Variants in PKHD1 observed in about 807,000 individuals in gnomAD.
PKHD1 encodes the protein fibrocystin.
In PKHD1, 291 loss-of-function variants were observed where a neutral mutation model predicts 412.0. That is an observed-to-expected ratio of 0.71 (90% confidence interval 0.64 to 0.78). PKHD1 has a LOEUF of 0.78. Ranked by LOEUF, PKHD1 falls within the 30% of genes least tolerant of loss-of-function variation. The pLI is 0.00. For synonymous variants in PKHD1, 1,777 were observed against 1,821.5 expected (o/e 0.98, Z 0.62); for missense variants, 4,825 against 4,950.7 (o/e 0.97, Z 0.76).
chr6:51,747,157 C>T (rs149688179), intron 58 of PKHD1, among the ~76,000 whole-genome samples: 5 of 152,178 alleles, frequency 3.3e-5, no homozygotes, highest in Admixed American at 6.5e-5. Context: ...AATCAAAATC[C>T]ATTCATTTTA....
intron 48 of PKHD1, among the ~76,000 whole-genome samples, chr6:51,859,368 T>C (rs1455142968): frequency 1.3e-5 from 2 of 151,596 alleles, no homozygotes; most frequent in African/African-American, 4.9e-5. Flanking sequence ...GTACTAAAAA[T>C]ACAAAAAATT....
intron 53 of PKHD1, among the ~76,000 whole-genome samples, chr6:51,789,324 T>C (rs1012935098): frequency 6.6e-6 from 1 of 152,244 alleles, no homozygotes; most frequent in African/African-American, 2.4e-5. Flanking sequence ...AATTATTGAA[T>C]GTTCATTGCA....
chr6:51,827,886 G>A (rs6924098), intron 52 of PKHD1, among the ~76,000 whole-genome samples: 66,974 of 151,404 alleles, frequency 0.44, 15,844 homozygotes, highest in Middle Eastern at 0.61. Context: ...GCTACCAGAT[G>A]CAAAGCAAAT....
At chr6:51,981,458 G>A (rs1354798765) in intron 35 of PKHD1, among the ~76,000 whole-genome samples, 1 of 152,072 alleles carries the variant, frequency 6.6e-6, no homozygotes, top group East Asian at 1.9e-4. Context: ...TGATTCTCCT[G>A]CCTCAGCCTG....
At chr6:52,023,993 A>T (rs941760705) in intron 32 of PKHD1, among the ~76,000 whole-genome samples, 3 of 152,216 alleles carry the variant, frequency 2.0e-5, no homozygotes, top group Admixed American at 1.3e-4. Flanking sequence ...CCAAATTTGA[A>T]CTATCTCAAG....
At chr6:51,836,550 A>T (rs183728009) in intron 50 of PKHD1, 81 bp from the exon 51 acceptor site, 8 of 1,013,414 alleles carry the variant, frequency 7.9e-6, no homozygotes, top group Non-Finnish European at 1.3e-5. Flanking sequence ...GAAAAGAAGA[A>T]TTTATGCTAA....
Position 51,652,704 on chromosome 6 carries a change from A to G in PKHD1, c.11175-3484T>C, listed in dbSNP as rs1479996918. On this transcript the variant is annotated intron_variant, in intron 61 of 66. Coordinates refer to ENST00000371117, the MANE Select transcript of PKHD1 (RefSeq NM_138694.4). The stretch of plus-strand genomic sequence containing the variant: ...CGCCATTCTCCTGCCTCAGCCTCCC[A>G]AGTAGCTGGGACTACAGGCGCCCGC... Among the ~76,000 whole-genome samples the G allele has an allele frequency of 1.2e-3, 18 of 14,664 alleles. 8 individuals carry two copies. The highest frequency in any genetic ancestry group is 0.25 in the East Asian group (2 of 8). The allele number at this position is 14,664 out of a possible 152,430, so 9.6% of individuals were successfully genotyped here. A position where few individuals can be genotyped will look rare whatever the true frequency, so the allele number is the denominator to read the frequency against.
intron 53 of PKHD1, among the ~76,000 whole-genome samples, chr6:51,790,684 C>A (rs577794342): frequency 1.3e-5 from 2 of 152,306 alleles, no homozygotes; most frequent in East Asian, 3.9e-4. Flanking sequence ...CTTTGAGAAG[C>A]TGTGGCTACC....
At chr6:52,041,766 T>C (rs1395271842) in intron 27 of PKHD1, among the ~76,000 whole-genome samples, 2 of 152,166 alleles carry the variant, frequency 1.3e-5, no homozygotes, top group Non-Finnish European at 2.9e-5. Context: ...GGACCAAGTT[T>C]TAGCACTAAG....
rs151309835 is a variant in PKHD1 at position 51,694,848 on chromosome 6, A to G, written c.10157-34879T>C. ...TCACATCACTTCTGACCCACAGAAGACAACACAGCTGTACTGCCACATTGT... is the reference window on the plus strand; with the variant it reads ...TCACATCACTTCTGACCCACAGAAGGCAACACAGCTGTACTGCCACATTGT... On this transcript the variant is annotated intron_variant, in intron 60 of 66. Transcript: ENST00000371117. 4.0e-3 allele frequency among the ~76,000 whole-genome samples: 605 copies of G among 152,264 alleles called. 3 individuals are homozygous for G. Among genetic ancestry groups the G allele is most frequent in the African/African-American group, 0.014 (583 of 41,560 alleles).
chr6:52,017,211 T>C (rs1800669338), intron 34 of PKHD1, among the ~76,000 whole-genome samples, 199 bp downstream of exon 34: 1 of 152,232 alleles, frequency 6.6e-6, no homozygotes, highest in Non-Finnish European at 1.5e-5. Context: ...AGATGTTCTC[T>C]TAAACAGTTG....
At chr6:51,721,053 C>T in intron 60 of PKHD1, 1 of 983,490 alleles carries the variant, frequency 1.0e-6, no homozygotes, top group Non-Finnish European at 1.2e-6. Flanking sequence ...CAATAAGGCT[C>T]TGGGGGAACC....
intron 40 of PKHD1, among the ~76,000 whole-genome samples, chr6:51,908,568 GT>G (rs766217149): frequency 6.6e-6 from 1 of 152,138 alleles, no homozygotes; most frequent in Non-Finnish European, 1.5e-5. Context: ...TTGGTAATGA[GT>G]TTTTGCCCTG....
intron 11 of PKHD1, among the ~76,000 whole-genome samples, chr6:52,068,696 C>T (rs1349252375): frequency 6.6e-6 from 1 of 152,176 alleles, no homozygotes; most frequent in East Asian, 1.9e-4. Flanking sequence ...ATCGTTATCA[C>T]CATCACCTTG....
intron 43 of PKHD1, among the ~76,000 whole-genome samples, chr6:51,897,795 CT>C (rs1184965732): frequency 7.0e-6 from 1 of 142,766 alleles, no homozygotes; most frequent in Non-Finnish European, 1.5e-5. Flanking sequence ...CACACATAGG[CT>C]CAAAATAAAA....
At chr6:51,899,806 A>G (rs1031868720) in intron 43 of PKHD1, among the ~76,000 whole-genome samples, 2 of 152,234 alleles carry the variant, frequency 1.3e-5, no homozygotes, top group African/African-American at 4.8e-5. Context: ...CCTGATAAGC[A>G]ACTTCAGCAA....
At chr6:51,712,997 A>C (rs1357558082) in intron 60 of PKHD1, among the ~76,000 whole-genome samples, 1 of 152,202 alleles carries the variant, frequency 6.6e-6, no homozygotes, top group African/African-American at 2.4e-5. Flanking sequence ...ATGTATCTCC[A>C]GCTGAGAGGT....
rs367792594 is a variant in PKHD1, at chr6:51,960,039, G to C, written c.5752-13C>G. ...AAGAAAAGTTGCCCTGGAAAACAGAGAGCTGGGTTGGTGGGTTGGTTGGTT... is the reference window on the plus strand; with the variant it reads ...AAGAAAAGTTGCCCTGGAAAACAGACAGCTGGGTTGGTGGGTTGGTTGGTT... On this transcript the variant is annotated splice_polypyrimidine_tract_variant and intron_variant, in intron 35 of 66. Transcript: ENST00000371117. 40 of 1,613,052 alleles carry C rather than the reference G, an allele frequency of 2.5e-5. No individual in the cohort carries two copies. The highest frequency in any genetic ancestry group is 3.2e-5 in the Non-Finnish European group (38 of 1,179,328).
chr6:52,019,102 A>G (rs1444146834), intron 33 of PKHD1, among the ~76,000 whole-genome samples: 1 of 152,212 alleles, frequency 6.6e-6, no homozygotes, highest in East Asian at 1.9e-4. Context: ...AAGATGAACA[A>G]AGCTCCACAT....
Sources: allele counts gnomAD v4.1 joint callset (sites outside exome capture counted in the v4.1 genomes callset), GRCh38; gene constraint gnomAD v4.1.1; transcripts MANE v1.5; gene names NCBI Gene and HGNC (gene_info 2026-07-23, HGNC 2026-07-21).